ATP10A: variants seen among roughly 807,000 people sequenced by gnomAD.
ATP10A encodes the protein ATPase phospholipid transporting 10A (putative).
In ATP10A, 111 loss-of-function variants were observed where a neutral mutation model predicts 147.8. That is an observed-to-expected ratio of 0.75 (90% CI 0.64 to 0.88). The LOEUF is 0.88. ATP10A is among the 40% of genes least tolerant of loss of function. ATP10A has a pLI of 0.00. For missense variants in ATP10A, 1,927 were observed against 1,959.0 expected, an observed-to-expected ratio of 0.98 and a Z score of 0.31; for synonymous variants, 875 against 841.6, an observed-to-expected ratio of 1.04 and a Z score of -0.69.
chr15:25,745,051 C>T (rs963086258), intron 2 of ATP10A, among the ~76,000 whole-genome samples: 2 of 152,136 alleles, frequency 1.3e-5, no homozygotes, highest in African/African-American at 2.4e-5. Flanking sequence ...TGGGGCCGGG[C>T]GCGGTGGCTC....
In ATP10A at chr15:25,766,441, A is replaced by G. The variant is rs1889026488; in HGVS notation, c.654+14578T>C. ...TCAAGTGTCTCACTGTGCTGTGGTC[A>G]GGCCCTCAGACCCAACATCCTCAAG... On this transcript the variant is annotated intron_variant, in intron 2 of 20. Transcript: ENST00000555815. Among the ~76,000 whole-genome samples the G allele has an allele frequency of 4.6e-5, 7 of 152,184 alleles. No individual in the cohort carries two copies. The South Asian group carries it at 1.5e-3, about 32-fold the overall frequency.
At chr15:25,804,035 A>ATC (rs1282832204) in intron 1 of ATP10A, among the ~76,000 whole-genome samples, 2 of 138,900 alleles carry the variant, frequency 1.4e-5, no homozygotes, top group Non-Finnish European at 3.1e-5. Flanking sequence ...GTGTGTGTGC[A>ATC]TCTGTGTGTG....
rs940336652 is a variant in ATP10A at position 25,769,661 on chromosome 15, C to T, written c.654+11358G>A. ...TAGGTTCATCATGAGAAAGCATTTC[C>T]TCTTCCTGACAGTGGAGAGAATTGG... is the stretch of plus-strand genomic sequence containing the variant. On this transcript the variant is annotated intron_variant, in intron 2 of 20. Transcript: ENST00000555815. Among the ~76,000 whole-genome samples, 4 of 152,090 alleles carry T rather than the reference C, an allele frequency of 2.6e-5. No individual in the cohort carries two copies. In the East Asian group the frequency reaches 5.8e-4, roughly 22 times the overall value.
chr15:25,708,979 T>C (rs948904463), intron 10 of ATP10A: 1 of 152,362 alleles, frequency 6.6e-6, no homozygotes, highest in Admixed American at 6.5e-5. Context: ...GGAAGGATTA[T>C]CTACTAATCT....
At chr15:25,726,372 G>T (rs1011858332) in intron 4 of ATP10A, among the ~76,000 whole-genome samples, 13 of 151,960 alleles carry the variant, frequency 8.6e-5, no homozygotes, top group Non-Finnish European at 1.9e-4. Flanking sequence ...ACTATTCAAA[G>T]AATTTTTGCT....
At position 25,721,841 on chromosome 15, in the gene ATP10A, G is replaced by T; in HGVS notation, c.1179C>A (p.Asn393Lys). 1 of 1,613,958 alleles carries T rather than the reference G, an allele frequency of 6.2e-7. No individual in the cohort carries two copies. Among genetic ancestry groups the T allele is most frequent in the Non-Finnish European group, 8.5e-7 (1 of 1,179,962 alleles). Reference protein sequence around the residue: ...IVKACQVYFINQDMQLYDEET... With the variant: ...IVKACQVYFIKQDMQLYDEET... Reference sequence around the variant, plus strand: ...CTTCGTCATACAACTGCATGTCCTGGTTAATGAAGTACACTTGGCATGCTT... The same window carrying T: ...CTTCGTCATACAACTGCATGTCCTGTTTAATGAAGTACACTTGGCATGCTT... The change falls in exon 7 of 21, where the codon AAC becomes AAA. Residue 393 changes from asparagine (N) to lysine (K), a missense_variant. By Grantham distance (94) the Asn-to-Lys change is moderately conservative. Transcript: ENST00000555815.
downstream of ATP10A, chr15:25,678,340 T>C (rs2066710): frequency 0.5 from 76,223 of 151,782 alleles, 19,507 homozygotes; most frequent in African/African-American, 0.6. Flanking sequence ...CCCTTCACAG[T>C]CCCGGTGCCG....
chr15:25,672,956 C>T (rs1899070801), downstream of ATP10A, among the ~76,000 whole-genome samples: 1 of 152,130 alleles, frequency 6.6e-6, no homozygotes, highest in Non-Finnish European at 1.5e-5. Context: ...GGTCACTGCT[C>T]CTGAGACACT....
At chr15:25,835,985 G>A (rs1892576127) in intron 1 of ATP10A, among the ~76,000 whole-genome samples, 1 of 152,068 alleles carries the variant, frequency 6.6e-6, no homozygotes, top group African/African-American at 2.4e-5. Flanking sequence ...GGCTAATTTT[G>A]TGTATTTTTA....
At chr15:25,799,209 T>G (rs897378978) in intron 1 of ATP10A, among the ~76,000 whole-genome samples, 3 of 152,168 alleles carry the variant, frequency 2.0e-5, no homozygotes, top group Non-Finnish European at 2.9e-5. Flanking sequence ...TGGTGTCTGG[T>G]TTGACTGGCC....
At chr15:25,861,860 G>C (rs1301301118) in intron 1 of ATP10A, 1 of 164,558 alleles carries the variant, frequency 6.1e-6, no homozygotes, top group African/African-American at 2.4e-5. Flanking sequence ...GGGCTCTCCT[G>C]GGGTGGAGAG....
chr15:25,761,957 A>G (rs1888780829), intron 2 of ATP10A, among the ~76,000 whole-genome samples: 1 of 152,086 alleles, frequency 6.6e-6, no homozygotes, highest in Non-Finnish European at 1.5e-5. Context: ...GTGGAATGAT[A>G]TGGTTTGGCT....
At chr15:25,772,855 T>G (rs1321113105) in intron 2 of ATP10A, among the ~76,000 whole-genome samples, 1 of 152,138 alleles carries the variant, frequency 6.6e-6, no homozygotes, top group Non-Finnish European at 1.5e-5. Context: ...TAAGGCCTTC[T>G]GACAGACACA....
chr15:25,773,466 AG>A (rs1396572557), intron 2 of ATP10A, among the ~76,000 whole-genome samples: 3 of 152,112 alleles, frequency 2.0e-5, no homozygotes, highest in Admixed American at 1.3e-4. Context: ...GCCTCCACCA[AG>A]GGACAAAGGT....
chr15:25,859,462 C>A (rs1238854293), intron 1 of ATP10A, among the ~76,000 whole-genome samples: 3 of 152,140 alleles, frequency 2.0e-5, no homozygotes, highest in African/African-American at 7.2e-5. Flanking sequence ...TAGCCAGCAC[C>A]GAGGTCCATA....
intron 1 of ATP10A, among the ~76,000 whole-genome samples, chr15:25,860,596 T>C (rs1597012945): frequency 6.6e-6 from 1 of 152,252 alleles, no homozygotes; most frequent in East Asian, 1.9e-4. Flanking sequence ...ATGCTGACAG[T>C]TCCTTCAGTA....
At chr15:25,766,480 C>T (rs1333948779) in intron 2 of ATP10A, among the ~76,000 whole-genome samples, 1 of 152,128 alleles carries the variant, frequency 6.6e-6, no homozygotes, top group Non-Finnish European at 1.5e-5. Context: ...CCAAATGCTC[C>T]ACCAGCATCT....
chr15:25,864,723 A>C (rs1418623258), upstream of ATP10A, among the ~76,000 whole-genome samples: 1 of 152,222 alleles, frequency 6.6e-6, no homozygotes, highest in Non-Finnish European at 1.5e-5. Context: ...GAAAGGAGTC[A>C]GGTCTCACAG....
At position 25,696,263 on chromosome 15, in the gene ATP10A, T is replaced by C. The variant is rs75956910; in HGVS notation, c.2761-1117A>G. On this transcript the variant is annotated intron_variant, in intron 13 of 20. Coordinates refer to ENST00000555815, the MANE Select transcript of ATP10A (RefSeq NM_024490.4). ...AGAAAAGAAGACTGAAAAGACACAG[T>C]TACTGCCGTAGGGGGAACAGACAGC... 7.6e-3 allele frequency among the ~76,000 whole-genome samples: 1,164 copies of C among 152,310 alleles called. 14 individuals are homozygous for C. Among genetic ancestry groups the C allele is most frequent in the African/African-American group, 0.027 (1,114 of 41,566 alleles).
Sources: allele counts gnomAD v4.1 joint callset (sites outside exome capture counted in the v4.1 genomes callset), GRCh38; gene constraint gnomAD v4.1.1; transcripts MANE v1.5; gene names NCBI Gene and HGNC (gene_info 2026-07-23, HGNC 2026-07-21).